Variants in PRKN observed in about 807,000 individuals in gnomAD.
The protein encoded by PRKN is parkin RBR E3 ubiquitin protein ligase, also known as E3 ubiquitin-protein ligase parkin.
Under a neutral mutation model 59.5 loss-of-function variants are expected in PRKN, and 56 were observed. The ratio of observed to expected loss-of-function variants is 0.94; its 90% confidence interval spans 0.76 to 1.18. PRKN has a LOEUF of 1.18. PRKN is among the 50% of genes most tolerant of loss of function. PRKN has a pLI of 0.00. For missense variants in PRKN, 657 were observed against 596.4 expected, an observed-to-expected ratio of 1.10 and a Z score of -1.06; for synonymous variants, 250 against 222.1, an observed-to-expected ratio of 1.13 and a Z score of -1.12.
chr6:161,582,309 C>G lies in PRKN; in HGVS notation c.872-12893G>C, dbSNP rs777677855. ...TTAAAACATTGAGATTACCTTGAAACAATTTAGAGTCTCTAAAGTTGAAAG... is the reference window on the plus strand; with the variant it reads ...TTAAAACATTGAGATTACCTTGAAAGAATTTAGAGTCTCTAAAGTTGAAAG... On this transcript the variant is annotated intron_variant, in intron 7 of 11. Coordinates refer to ENST00000366898, the MANE Select transcript of PRKN (RefSeq NM_004562.3). This position sits in a 1 kb window ranked among gnomAD's most constrained non-coding sequence, Gnocchi z 4.4. Among the ~76,000 whole-genome samples the G allele has an allele frequency of 2.0e-5, 3 of 152,090 alleles. No individual in the cohort carries two copies. Among genetic ancestry groups the G allele is most frequent in the Non-Finnish European group, 4.4e-5 (3 of 68,032 alleles).
intron 1 of PRKN, among the ~76,000 whole-genome samples, chr6:162,640,198 C>T (rs1248677353): frequency 2.6e-5 from 4 of 152,084 alleles, no homozygotes; most frequent in Non-Finnish European, 1.5e-5. Flanking sequence ...CATAACTAGT[C>T]TTGAGAACAG....
chr6:162,248,456 G>A (rs568648090), intron 3 of PRKN, among the ~76,000 whole-genome samples: 1 of 152,150 alleles, frequency 6.6e-6, no homozygotes, highest in South Asian at 2.1e-4. Context: ...GCTTGCCTGA[G>A]AACTGTGCTA....
rs997369852 is a variant in PRKN at position 161,350,101 on chromosome 6, A to G, written c.1396T>C (p.Ter466GlnextTer23). 16 of 1,609,918 alleles carry G rather than the reference A, an allele frequency of 9.9e-6. No individual in the cohort carries two copies. The highest frequency in any genetic ancestry group is 2.2e-5 in the East Asian group (1 of 44,828). ...GATGGGGCGCCCGGCCGCCCTGGCTACACGTCGAACCAGTGGTCCCCCATG... is the reference window on the plus strand; with the variant it reads ...GATGGGGCGCCCGGCCGCCCTGGCTGCACGTCGAACCAGTGGTCCCCCATG... ...VCMGDHWFDV* is the reference protein window; with the variant it reads ...VCMGDHWFDVQ The change falls in exon 12 of 12, where the codon TAG becomes CAG. Residue 466 changes from the stop codon to glutamine, a stop_lost. Coordinates refer to ENST00000366898, the MANE Select transcript of PRKN (RefSeq NM_004562.3).
At chr6:162,695,886 A>T (rs1777948073) in intron 1 of PRKN, among the ~76,000 whole-genome samples, 2 of 152,182 alleles carry the variant, frequency 1.3e-5, no homozygotes, top group Non-Finnish European at 2.9e-5. Context: ...GAGTCCGAGA[A>T]GCTAGAGTCC....
chr6:162,599,814 C>T (rs1394633583), intron 1 of PRKN, among the ~76,000 whole-genome samples: 4 of 152,084 alleles, frequency 2.6e-5, no homozygotes, highest in African/African-American at 9.7e-5. Context: ...AACAACAAAA[C>T]AGAAATGATG....
At chr6:162,185,941 G>C (rs183305210) in intron 4 of PRKN, among the ~76,000 whole-genome samples, 3 of 152,050 alleles carry the variant, frequency 2.0e-5, no homozygotes, top group South Asian at 4.1e-4. Flanking sequence ...AAGAGAAGAG[G>C]CTATGTAGCA....
At chr6:162,021,139 T>TAAAAA (rs558449228) in intron 5 of PRKN, among the ~76,000 whole-genome samples, 1 of 5,314 alleles carries the variant, frequency 1.9e-4, no homozygotes, top group Admixed American at 2.9e-3. Context: ...TATATATATA[T>TAAAAA]ATATATATAT....
At chr6:162,528,650 A>C (rs2846475) in intron 1 of PRKN, among the ~76,000 whole-genome samples, 1 of 151,842 alleles carries the variant, frequency 6.6e-6, no homozygotes, top group Non-Finnish European at 1.5e-5. Context: ...TATGAAAAGG[A>C]AGTAAAATAA....
In PRKN at chr6:161,428,409, C is replaced by T. The variant is rs534208006; in HGVS notation, c.1084-41532G>A. Among the ~76,000 whole-genome samples, 78 of 152,204 alleles carry T rather than the reference C, an allele frequency of 5.1e-4. No individual in the cohort carries two copies. The South Asian group carries it at 9.5e-3, about 19-fold the overall frequency. On this transcript the variant is annotated intron_variant, in intron 9 of 11. Transcript: ENST00000366898. This position sits in a 1 kb window ranked among gnomAD's most constrained non-coding sequence, Gnocchi z 4.0. ...GTGCAGACAGAAGCCTGCCATCCGC[C>T]GGAGTCTGTGAGCTTCAGGGTCCAC...
intron 2 of PRKN, among the ~76,000 whole-genome samples, chr6:162,411,316 T>C (rs1468167090): frequency 6.6e-6 from 1 of 152,212 alleles, no homozygotes; most frequent in Admixed American, 6.5e-5. Flanking sequence ...TTGAGATACA[T>C]GTGTAGCTCT....
intron 1 of PRKN, among the ~76,000 whole-genome samples, chr6:162,640,194 T>A (rs547325045): frequency 6.6e-6 from 1 of 152,234 alleles, no homozygotes; most frequent in East Asian, 1.9e-4. Context: ...CATACATAAC[T>A]AGTCTTGAGA....
chr6:162,353,871 AG>A (rs1784728307), intron 2 of PRKN, among the ~76,000 whole-genome samples: 1 of 152,186 alleles, frequency 6.6e-6, no homozygotes, highest in African/African-American at 2.4e-5. Context: ...CATATTGGCT[AG>A]CAAAGAATGT....
intron 6 of PRKN, among the ~76,000 whole-genome samples, chr6:161,827,550 C>T (rs7749204): frequency 0.66 from 94,860 of 143,864 alleles, 31,430 homozygotes; most frequent in Middle Eastern, 0.75. Context: ...CAATCTGTCA[C>T]CCAGGCTGGA....
chr6:161,658,128 T>A (rs183829616), intron 7 of PRKN, among the ~76,000 whole-genome samples: 77 of 152,264 alleles, frequency 5.1e-4, no homozygotes, highest in Non-Finnish European at 8.2e-4. Context: ...AGTTTTCTTA[T>A]TTCCATTTAC....
At chr6:162,172,315 T>G (rs866182742) in intron 4 of PRKN, among the ~76,000 whole-genome samples, 1 of 152,142 alleles carries the variant, frequency 6.6e-6, no homozygotes, top group Non-Finnish European at 1.5e-5. Flanking sequence ...ATGAGGCACA[T>G]CCTGTACTAG....
intron 6 of PRKN, among the ~76,000 whole-genome samples, chr6:161,789,425 C>T (rs6924923): frequency 0.016 from 2,455 of 152,208 alleles, 65 homozygotes; most frequent in African/African-American, 0.056. Context: ...AAGGTCCTTG[C>T]GTAGCCTAGG....
At position 161,391,208 on chromosome 6, in the gene PRKN, T is replaced by G. The variant is rs570384873; in HGVS notation, c.1084-4331A>C. ...GCCTGGATCCTTCTTTAACCAACCA[T>G]GTAGAAGGCTGAAATTTACCCAGGG... is the stretch of plus-strand genomic sequence containing the variant. On this transcript the variant is annotated intron_variant, in intron 9 of 11. Coordinates refer to ENST00000366898, the MANE Select transcript of PRKN (RefSeq NM_004562.3). The surrounding 1 kb of genome is among the most constrained non-coding windows in gnomAD (Gnocchi z 4.9). 6.6e-6 allele frequency among the ~76,000 whole-genome samples: 1 copy of G among 152,188 alleles called. No homozygotes were observed. The highest frequency in any genetic ancestry group is 1.9e-4 in the East Asian group (1 of 5,166).
chr6:162,656,211 A>C (rs2128227409), intron 1 of PRKN, among the ~76,000 whole-genome samples: 1 of 152,346 alleles, frequency 6.6e-6, no homozygotes, highest in East Asian at 1.9e-4. Context: ...CATATGTATT[A>C]ATTTAAGAGC....
rs1787027764 is a variant in PRKN, at chr6:161,401,025, C to A, written c.1084-14148G>T. 6.6e-6 allele frequency among the ~76,000 whole-genome samples: 1 copy of A among 152,178 alleles called. No homozygotes were observed. On this transcript the variant is annotated intron_variant, in intron 9 of 11. Coordinates refer to ENST00000366898, the MANE Select transcript of PRKN (RefSeq NM_004562.3). This position sits in a 1 kb window ranked among gnomAD's most constrained non-coding sequence, Gnocchi z 4.4. ...AACAAACATCTGTTTCTGATGGCTG[C>A]AGCACCATCCTTCATTATAGAATGA...
Sources: allele counts gnomAD v4.1 joint callset (sites outside exome capture counted in the v4.1 genomes callset), GRCh38; gene constraint gnomAD v4.1.1; non-coding constraint Gnocchi (gnomAD v3.1); transcripts MANE v1.5; gene names NCBI Gene and HGNC (gene_info 2026-07-23, HGNC 2026-07-21).